Variants in TCERG1L observed in about 807,000 individuals in gnomAD.
TCERG1L encodes the protein transcription elongation regulator 1-like protein.
In TCERG1L, 37 loss-of-function variants were observed where a neutral mutation model predicts 56.3. The ratio of observed to expected loss-of-function variants is 0.66; its 90% CI spans 0.51 to 0.87. The LOEUF is 0.87. Among genes scored for constraint, TCERG1L ranks in the 40% least tolerant of loss-of-function variants. The pLI is 0.00. For synonymous variants in TCERG1L, 324 were observed against 326.3 expected, an observed-to-expected ratio of 0.99 and a Z score of 0.08; for missense variants, 799 against 774.2, an observed-to-expected ratio of 1.03 and a Z score of -0.38.
intron 9 of TCERG1L, among the ~76,000 whole-genome samples, chr10:131,109,029 CG>C (rs1845383624): frequency 6.6e-6 from 1 of 151,730 alleles, no homozygotes; most frequent in Non-Finnish European, 1.5e-5. Flanking sequence ...GCCCCGTCCA[CG>C]CTCAAGGAGA....
chr10:131,310,410 C>A (rs1273477166), intron 1 of TCERG1L, among the ~76,000 whole-genome samples: 1 of 152,182 alleles, frequency 6.6e-6, no homozygotes, highest in African/African-American at 2.4e-5. Flanking sequence ...TTAACAACAT[C>A]TTTTAGAAAA....
chr10:131,171,548 G>C (rs1011126364), intron 4 of TCERG1L, among the ~76,000 whole-genome samples: 20 of 152,202 alleles, frequency 1.3e-4, no homozygotes, highest in African/African-American at 4.6e-4. Flanking sequence ...ACCAGCAAAT[G>C]CTTCTTACAT....
At chr10:131,228,935 G>A (rs1466385690) in intron 4 of TCERG1L, among the ~76,000 whole-genome samples, 3 of 94,502 alleles carry the variant, frequency 3.2e-5, no homozygotes, top group Non-Finnish European at 4.4e-5. Context: ...CAAGGCCTCC[G>A]GAGTCTCCCC....
intron 4 of TCERG1L, among the ~76,000 whole-genome samples, chr10:131,211,864 A>AAT (rs759930241): frequency 1.3e-5 from 2 of 152,322 alleles, no homozygotes; most frequent in Admixed American, 6.5e-5. Flanking sequence ...TGATGTAAGA[A>AAT]ATATAAATAG....
chr10:131,184,841 GA>G (rs1845219006), intron 4 of TCERG1L, among the ~76,000 whole-genome samples: 1 of 152,242 alleles, frequency 6.6e-6, no homozygotes. Flanking sequence ...AAGGGACTGA[GA>G]AGGTCCTTTA....
chr10:131,156,458 T>G (rs984494417), intron 6 of TCERG1L, among the ~76,000 whole-genome samples: 1 of 152,102 alleles, frequency 6.6e-6, no homozygotes, highest in African/African-American at 2.4e-5. Context: ...GTCCCTGGGA[T>G]TTGAAAATAC....
intron 3 of TCERG1L, among the ~76,000 whole-genome samples, chr10:131,280,554 TG>T (rs1207154409): frequency 1.3e-5 from 2 of 152,064 alleles, no homozygotes; most frequent in Non-Finnish European, 2.9e-5. Flanking sequence ...AGCTGAGTGG[TG>T]ATTTTGAATA....
intron 6 of TCERG1L, among the ~76,000 whole-genome samples, chr10:131,150,345 C>T (rs1264665562): frequency 1.1e-5 from 1 of 88,778 alleles, no homozygotes; most frequent in Admixed American, 1.2e-4. Flanking sequence ...CTCACTGAGG[C>T]ATCTCCAGTT....
chr10:131,209,541 T>G (rs1845593157), intron 4 of TCERG1L, among the ~76,000 whole-genome samples: 1 of 152,216 alleles, frequency 6.6e-6, no homozygotes, highest in African/African-American at 2.4e-5. Flanking sequence ...GTAATTCTTT[T>G]GCCACAAAGT....
intron 4 of TCERG1L, among the ~76,000 whole-genome samples, chr10:131,177,273 G>A (rs1009971273): frequency 6.6e-6 from 1 of 152,182 alleles, no homozygotes; most frequent in Non-Finnish European, 1.5e-5. Context: ...ACATGCCCAC[G>A]CAGACACAAA....
chr10:131,285,509 AAAG>A (rs1428599847), intron 3 of TCERG1L, among the ~76,000 whole-genome samples: 13,724 of 57,380 alleles, frequency 0.24, 1,375 homozygotes, highest in Admixed American at 0.34. Context: ...AGAAAGAAAG[AAAG>A]AAAGAAAGAA....
chr10:131,092,896 T>C lies in TCERG1L; in HGVS notation c.*266A>G. On this transcript the variant is annotated 3_prime_UTR_variant, in exon 12 of 12. Transcript: ENST00000368642. The stretch of plus-strand genomic sequence containing the variant: ...AGTCCTGCAGTGGATTGATAATTTG[T>C]GTATATTACAAGTAATTTGCATAAT... 1 of 355,470 alleles carries C rather than the reference T, an allele frequency of 2.8e-6. No individual in the cohort carries two copies. Among genetic ancestry groups the C allele is most frequent in the Non-Finnish European group, 5.1e-6 (1 of 197,300 alleles). 22.0% of individuals were successfully genotyped at this position (355,470 alleles called of 1,614,324 possible). A position where few individuals can be genotyped will look rare whatever the true frequency, so the allele number is the denominator to read the frequency against.
At chr10:131,219,397 C>T (rs369365487) in intron 4 of TCERG1L, among the ~76,000 whole-genome samples, 3 of 152,222 alleles carry the variant, frequency 2.0e-5, no homozygotes, top group Non-Finnish European at 2.9e-5. Context: ...CCAGCGGCTT[C>T]GAGTTGTGCA....
At chr10:131,150,065 T>C (rs1845846470) in intron 6 of TCERG1L, among the ~76,000 whole-genome samples, 1 of 152,142 alleles carries the variant, frequency 6.6e-6, no homozygotes, top group African/African-American at 2.4e-5. Context: ...CCTAGAAGCG[T>C]CCTTGGCTCT....
intron 9 of TCERG1L, among the ~76,000 whole-genome samples, chr10:131,107,704 C>T (rs1432223978): frequency 6.6e-6 from 1 of 151,916 alleles, no homozygotes; most frequent in African/African-American, 2.4e-5. Flanking sequence ...GAGTACATTC[C>T]ATGGGGCCAC....
At chr10:131,200,242 G>C (rs748325644) in intron 4 of TCERG1L, among the ~76,000 whole-genome samples, 2 of 152,236 alleles carry the variant, frequency 1.3e-5, no homozygotes, top group South Asian at 2.1e-4. Flanking sequence ...CCTTAGTCTC[G>C]TTTGTGCTGC....
chr10:131,309,093 G>T, intron 2 of TCERG1L, 60 bp downstream of exon 2: 1 of 1,558,022 alleles, frequency 6.4e-7, no homozygotes, highest in Non-Finnish European at 8.7e-7. Context: ...TTGTTATGTC[G>T]ATGTTCGACA....
intron 3 of TCERG1L, among the ~76,000 whole-genome samples, chr10:131,294,851 G>A (rs1391382075): frequency 6.7e-6 from 1 of 148,916 alleles, no homozygotes; most frequent in South Asian, 2.1e-4. Context: ...TTTTTTTTAA[G>A]TTGGATGCAC....
chr10:131,173,727 G>A (rs73394564), intron 4 of TCERG1L, among the ~76,000 whole-genome samples: 4 of 152,236 alleles, frequency 2.6e-5, no homozygotes, highest in African/African-American at 9.6e-5. Flanking sequence ...TGTAGTGCAG[G>A]GAAGGTTGGT....
Sources: allele counts gnomAD v4.1 joint callset (sites outside exome capture counted in the v4.1 genomes callset), GRCh38; gene constraint gnomAD v4.1.1; transcripts MANE v1.5; gene names NCBI Gene and HGNC (gene_info 2026-07-23, HGNC 2026-07-21).